FRMPD4: variants seen among roughly 807,000 people sequenced by gnomAD.
The protein encoded by FRMPD4 is FERM and PDZ domain containing 4.
FRMPD4 carries 22 observed loss-of-function variants against 94.1 expected under a neutral mutation model. The ratio of observed to expected loss-of-function variants is 0.23; its 90% CI spans 0.17 to 0.33. FRMPD4 has a LOEUF of 0.33. FRMPD4 is among the 10% of genes least tolerant of loss of function. FRMPD4 has a pLI of 1.00. For missense variants in FRMPD4, 1,111 were observed against 1,339.9 expected (o/e 0.83, Z 2.67); for synonymous variants, 631 against 548.6 (o/e 1.15, Z -2.10).
At chrX:12,697,519 A>T (rs4240150) in intron 9 of FRMPD4, among the ~76,000 whole-genome samples, 23,028 of 111,771 alleles carry the variant, frequency 0.21, 2,076 homozygotes, top group East Asian at 0.75. Flanking sequence ...CCATTTAAAC[A>T]TCACGAGTCC....
At chrX:12,315,647 G>T (rs1354759411) in intron 1 of FRMPD4, among the ~76,000 whole-genome samples, 1 of 112,269 alleles carries the variant, frequency 8.9e-6, no homozygotes, top group Non-Finnish European at 1.9e-5. Flanking sequence ...CTCATTACCA[G>T]AGGCTAGAAC....
intron 3 of FRMPD4, among the ~76,000 whole-genome samples, chrX:11,964,972 C>T (rs759215873): frequency 1.8e-5 from 2 of 112,655 alleles, no homozygotes; most frequent in African/African-American, 6.5e-5. Flanking sequence ...CCAGTGATAG[C>T]GGGCTTTCTC....
At chrX:12,253,869 C>T (rs2054078676) in intron 1 of FRMPD4, among the ~76,000 whole-genome samples, 1 of 110,179 alleles carries the variant, frequency 9.1e-6, no homozygotes, top group Admixed American at 9.7e-5. Flanking sequence ...ACTCCATGAA[C>T]AAGGGAATAT....
intron 1 of FRMPD4, among the ~76,000 whole-genome samples, chrX:11,853,682 A>C (rs1170524621): frequency 8.9e-6 from 1 of 111,786 alleles, no homozygotes; most frequent in Admixed American, 9.5e-5. Context: ...AAACAGGAAG[A>C]AATTGAATCC....
intron 1 of FRMPD4, among the ~76,000 whole-genome samples, chrX:12,365,344 A>C (rs1002748171): frequency 9.0e-6 from 1 of 111,594 alleles, no homozygotes; most frequent in Admixed American, 9.5e-5. Flanking sequence ...GCTCTAAAAC[A>C]TGGGTAATTC....
In FRMPD4 at chrX:12,161,473, G is replaced by C. The variant is rs1029505281; in HGVS notation, c.41+22461G>C. Among the ~76,000 whole-genome samples the C allele has an allele frequency of 2.7e-5, 3 of 112,177 alleles. No individual in the cohort carries two copies. In the South Asian group the frequency reaches 1.1e-3, roughly 42 times the overall value. ...TGCACCCAGCCTGTCCCAAGAACTC[G>C]ATGAGCATTTTATAAACAATAGCTC... On this transcript the variant is annotated intron_variant, in intron 1 of 16. Coordinates refer to ENST00000675598, the MANE Select transcript of FRMPD4 (RefSeq NM_001368397.1).
chrX:12,396,563 T>C (rs978047731), intron 1 of FRMPD4, among the ~76,000 whole-genome samples: 3 of 112,342 alleles, frequency 2.7e-5, no homozygotes, highest in African/African-American at 9.7e-5. Flanking sequence ...GAATGAGGTA[T>C]ATCTGTGTGT....
chrX:11,983,367 C>G (rs928374874), intron 3 of FRMPD4, among the ~76,000 whole-genome samples: 43 of 111,642 alleles, frequency 3.9e-4, no homozygotes, highest in African/African-American at 1.4e-3. Context: ...GTCTTTATCT[C>G]CTCTTTACTG....
At chrX:12,623,889 G>A (rs1448137028) in intron 4 of FRMPD4, among the ~76,000 whole-genome samples, 1 of 112,076 alleles carries the variant, frequency 8.9e-6, no homozygotes, top group Non-Finnish European at 1.9e-5. Context: ...CGCCAACCAA[G>A]AATACTTAGC....
At chrX:12,395,733 G>A (rs5979613) in intron 1 of FRMPD4, 30,789 of 110,992 alleles carry the variant, frequency 0.28, 3,509 homozygotes, top group African/African-American at 0.4. Flanking sequence ...TTTTATTTGC[G>A]TTTATTATTG....
chrX:12,272,635 G>A (rs1173173708), intron 1 of FRMPD4, among the ~76,000 whole-genome samples: 1 of 111,657 alleles, frequency 9.0e-6, no homozygotes, highest in African/African-American at 3.3e-5. Context: ...TATGAACATT[G>A]GCCTATTTGA....
At chrX:12,402,249 A>C (rs1601902752) in intron 1 of FRMPD4, among the ~76,000 whole-genome samples, 1 of 106,884 alleles carries the variant, frequency 9.4e-6, no homozygotes, top group African/African-American at 3.4e-5. Flanking sequence ...CTTCTGCGCC[A>C]CCCCCCCCAC....
rs763565847 is a variant in FRMPD4, at chrX:12,576,604, T to C, written c.159-33117T>C. Among the ~76,000 whole-genome samples the C allele has an allele frequency of 2.7e-5, 3 of 112,635 alleles. No individual in the cohort carries two copies. The South Asian group carries it at 1.1e-3, about 41-fold the overall frequency. ...ATTCAAGCAAGGAAAACAAATCTTT[T>C]CTCAGGGTTGCAGAAGGCAGGCTAA... On this transcript the variant is annotated intron_variant, in intron 2 of 16. Coordinates refer to ENST00000675598, the MANE Select transcript of FRMPD4 (RefSeq NM_001368397.1).
intron 1 of FRMPD4, among the ~76,000 whole-genome samples, chrX:12,496,217 T>C (rs1026211478): frequency 8.9e-6 from 1 of 112,339 alleles, no homozygotes; most frequent in African/African-American, 3.2e-5. Context: ...TATACTAACA[T>C]TTATACTAAA....
At chrX:12,418,618 A>G (rs769827239) in intron 1 of FRMPD4, among the ~76,000 whole-genome samples, 34 of 110,662 alleles carry the variant, frequency 3.1e-4, no homozygotes, top group Middle Eastern at 4.7e-3. Flanking sequence ...TCAGCCTCCC[A>G]AAGTACTGGG....
At chrX:12,004,714 A>T in intron 3 of FRMPD4, among the ~76,000 whole-genome samples, 2 of 96,484 alleles carry the variant, frequency 2.1e-5, no homozygotes, top group African/African-American at 3.9e-5. Context: ...TTTCATCCTC[A>T]GTTGATGTTG....
intron 14 of FRMPD4, among the ~76,000 whole-genome samples, chrX:12,714,296 G>A (rs979794235): frequency 7.2e-5 from 8 of 111,180 alleles, no homozygotes; most frequent in East Asian, 5.6e-4. Flanking sequence ...AGGATTTCTC[G>A]TTACCGCCTC....
chrX:12,048,444 G>GTTTA (rs1229623256), intron 3 of FRMPD4, among the ~76,000 whole-genome samples: 1 of 112,015 alleles, frequency 8.9e-6, no homozygotes, highest in Non-Finnish European at 1.9e-5. Flanking sequence ...TAGGTTATCT[G>GTTTA]TTTATTCTGC....
intron 1 of FRMPD4, among the ~76,000 whole-genome samples, chrX:12,182,218 T>C (rs1230890849): frequency 9.0e-6 from 1 of 111,627 alleles, no homozygotes; most frequent in Non-Finnish European, 1.9e-5. Flanking sequence ...TAGCAAACAA[T>C]TGAACAGTAG....
Sources: gnomAD v4.1 joint callset for allele counts (sites outside exome capture counted in the v4.1 genomes callset) on GRCh38, gnomAD v4.1.1 for gene constraint, MANE v1.5 for transcripts, NCBI Gene and HGNC (gene_info 2026-07-23, HGNC 2026-07-21) for gene names.